Variants in LIN52 observed in about 807,000 individuals in gnomAD.
LIN52 encodes the protein protein lin-52 homolog.
In LIN52, 4 loss-of-function variants were observed where a neutral mutation model predicts 18.5. That is an observed-to-expected ratio of 0.22 (90% CI 0.11 to 0.49). The LOEUF is 0.49. Among genes scored for constraint, LIN52 ranks in the 20% least tolerant of loss-of-function variants. The pLI is 0.97. For synonymous variants in LIN52, 34 were observed against 45.5 expected, an observed-to-expected ratio of 0.75 and a Z score of 1.02; for missense variants, 102 against 139.5, an observed-to-expected ratio of 0.73 and a Z score of 1.35.
chr14:74,180,157 TG>T (rs1327387048), intron 5 of LIN52, among the ~76,000 whole-genome samples: 1 of 151,978 alleles, frequency 6.6e-6, no homozygotes. Flanking sequence ...GAAGATCTTG[TG>T]GGGGAAAGTA....
At chr14:74,125,988 T>C (rs2061027793) in intron 5 of LIN52, among the ~76,000 whole-genome samples, 2 of 150,202 alleles carry the variant, frequency 1.3e-5, no homozygotes, top group South Asian at 2.1e-4. Flanking sequence ...TGTATACATA[T>C]GTAACTAACC....
intron 5 of LIN52, among the ~76,000 whole-genome samples, chr14:74,119,612 G>C (rs1439160810): frequency 2.0e-5 from 3 of 152,174 alleles, no homozygotes; most frequent in Admixed American, 1.3e-4. Flanking sequence ...AGCAATTTCA[G>C]TTGCTCCAAG....
chr14:74,103,776 C>A (rs2060878461), intron 5 of LIN52, among the ~76,000 whole-genome samples: 1 of 73,362 alleles, frequency 1.4e-5, no homozygotes, highest in Admixed American at 2.1e-4. Context: ...TTTTAAGAGA[C>A]TGGGTTTTTC....
intron 5 of LIN52, among the ~76,000 whole-genome samples, chr14:74,171,504 A>T (rs1365247043): frequency 6.6e-6 from 1 of 152,056 alleles, no homozygotes; most frequent in African/African-American, 2.4e-5. Flanking sequence ...AAAAAATTTT[A>T]GTGGAAAAAA....
rs200164383 is a variant in LIN52, at chr14:74,183,085, T to TTC, written c.284-15819_284-15818dup. On this transcript the variant is annotated intron_variant, in intron 5 of 5. Coordinates refer to ENST00000555028, the MANE Select transcript of LIN52 (RefSeq NM_001024674.3). ...ACATTCGTGACATGAAAAGTTACCC[T>TTC]TCTCTCTCTCTCTCTCTCTTTTTTT... 1.3e-3 allele frequency among the ~76,000 whole-genome samples: 187 copies of TTC among 145,582 alleles called. 2 individuals are homozygous for TTC. The highest frequency in any genetic ancestry group is 2.3e-3 in the Admixed American group (34 of 14,488).
chr14:74,139,228 T>C (rs1160143264), intron 5 of LIN52, among the ~76,000 whole-genome samples: 2 of 152,236 alleles, frequency 1.3e-5, no homozygotes, highest in Non-Finnish European at 2.9e-5. Flanking sequence ...TAATTGTTTA[T>C]TCTGAGCTAT....
Position 74,137,492 on chromosome 14 carries a change from A to AGC in LIN52, c.283+36255_283+36256dup, listed in dbSNP as rs565157995. ...CATTGAGCACTAAATTCTTCACAGC[A>AGC]GCTCTCTTTTTTTTTTTTTTTTTTG... On this transcript the variant is annotated intron_variant, in intron 5 of 5. Transcript: ENST00000555028. 4.8e-4 allele frequency among the ~76,000 whole-genome samples: 49 copies of AGC among 101,620 alleles called. No individual in the cohort carries two copies. The South Asian group carries it at 0.018, about 37-fold the overall frequency. The allele number at this position is 101,620 out of a possible 152,430, so 66.7% of individuals were successfully genotyped here.
At chr14:74,143,670 T>C (rs2061142497) in intron 5 of LIN52, among the ~76,000 whole-genome samples, 1 of 152,224 alleles carries the variant, frequency 6.6e-6, no homozygotes, top group Admixed American at 6.5e-5. Context: ...ACATTATAAT[T>C]GTACATGTTT....
intron 5 of LIN52, among the ~76,000 whole-genome samples, chr14:74,153,451 C>G (rs1354399145): frequency 6.6e-6 from 1 of 151,754 alleles, no homozygotes; most frequent in African/African-American, 2.4e-5. Context: ...TTTTGCTATT[C>G]ATATTAGGTT....
chr14:74,196,827 T>G (rs1376511243), intron 5 of LIN52, among the ~76,000 whole-genome samples: 1 of 152,076 alleles, frequency 6.6e-6, no homozygotes. Flanking sequence ...AAGAGAAAAG[T>G]AGGGTATTAA....
chr14:74,111,756 C>T (rs2060930181), intron 5 of LIN52, among the ~76,000 whole-genome samples: 1 of 152,002 alleles, frequency 6.6e-6, no homozygotes, highest in African/African-American at 2.4e-5. Flanking sequence ...GGAGAAAAAT[C>T]ATCTAGCCTT....
chr14:74,135,674 C>T (rs1318286482), intron 5 of LIN52, among the ~76,000 whole-genome samples: 2 of 152,232 alleles, frequency 1.3e-5, no homozygotes, highest in African/African-American at 2.4e-5. Context: ...TTGAAATTAT[C>T]TGTGGTTTTA....
chr14:74,169,713 G>C (rs911419736), intron 5 of LIN52, among the ~76,000 whole-genome samples: 1 of 152,142 alleles, frequency 6.6e-6, no homozygotes, highest in South Asian at 2.1e-4. Context: ...TTTAAAACTT[G>C]TTCATGTTGC....
intron 5 of LIN52, among the ~76,000 whole-genome samples, chr14:74,110,684 GC>G (rs1320695590): frequency 6.7e-6 from 1 of 149,658 alleles, no homozygotes; most frequent in Non-Finnish European, 1.5e-5. Flanking sequence ...AAAAAAGGAG[GC>G]CAGGCATGGT....
chr14:74,097,922 T>A, intron 4 of LIN52, 62 bp downstream of exon 4: 1 of 1,253,060 alleles, frequency 8.0e-7, no homozygotes, highest in South Asian at 1.3e-5. Context: ...ACCACCTCTC[T>A]ATTTTTTTTT....
At chr14:74,159,095 A>T (rs531912672) in intron 5 of LIN52, among the ~76,000 whole-genome samples, 1 of 152,300 alleles carries the variant, frequency 6.6e-6, no homozygotes, top group East Asian at 1.9e-4. Flanking sequence ...GGTCTTAACT[A>T]TTATAAACTA....
chr14:74,161,761 C>A (rs1317898254), intron 5 of LIN52, among the ~76,000 whole-genome samples: 1 of 152,204 alleles, frequency 6.6e-6, no homozygotes, highest in Non-Finnish European at 1.5e-5. Flanking sequence ...GGGAGCCCCA[C>A]CACTGAACTG....
At chr14:74,160,191 A>G (rs61256681) in intron 5 of LIN52, among the ~76,000 whole-genome samples, 2,408 of 152,314 alleles carry the variant, frequency 0.016, 64 homozygotes, top group African/African-American at 0.054. Context: ...ACATGGAGAC[A>G]GACATGCATA....
chr14:74,124,736 G>A (rs934839317), intron 5 of LIN52, among the ~76,000 whole-genome samples: 1 of 150,912 alleles, frequency 6.6e-6, no homozygotes, highest in African/African-American at 2.4e-5. Flanking sequence ...ACTTGAGCCT[G>A]GGAGGTGGAG....
Sources: allele counts gnomAD v4.1 joint callset (sites outside exome capture counted in the v4.1 genomes callset), GRCh38; gene constraint gnomAD v4.1.1; transcripts MANE v1.5; gene names NCBI Gene and HGNC (gene_info 2026-07-23, HGNC 2026-07-21).